The following VPS13B variants were observed in gnomAD, a reference collection of about 807,000 sequenced individuals.
VPS13B encodes intermembrane lipid transfer protein VPS13B.
VPS13B carries 285 observed loss-of-function variants against 426.4 expected under a neutral mutation model. The ratio of observed to expected loss-of-function variants is 0.67; its 90% CI spans 0.61 to 0.74. The LOEUF is 0.74. VPS13B is among the 30% of genes least tolerant of loss of function. The pLI, the probability that VPS13B is intolerant of heterozygous loss-of-function variation, is 0.00. For missense variants in VPS13B, 4,537 were observed against 4,782.6 expected (o/e 0.95, Z 1.51); for synonymous variants, 1,676 against 1,676.4 (o/e 1.00, Z 0.01).
At chr8:99,303,335 G>A (rs917032955) in intron 19 of VPS13B, among the ~76,000 whole-genome samples, 1 of 149,586 alleles carries the variant, frequency 6.7e-6, no homozygotes. Context: ...AAGTGTTGCT[G>A]TGAACAATGG....
At chr8:99,428,223 A>G (rs1166270539) in intron 21 of VPS13B, among the ~76,000 whole-genome samples, 3 of 152,236 alleles carry the variant, frequency 2.0e-5, no homozygotes, top group African/African-American at 7.2e-5. Flanking sequence ...GGACATAGGC[A>G]TGGGCAAGGT....
At chr8:99,110,687 T>TA (rs1201149074) in intron 5 of VPS13B, among the ~76,000 whole-genome samples, 3 of 151,970 alleles carry the variant, frequency 2.0e-5, no homozygotes, top group African/African-American at 7.2e-5. Flanking sequence ...GAGTTTTTTT[T>TA]AATATAAAAT....
intron 19 of VPS13B, among the ~76,000 whole-genome samples, chr8:99,327,146 A>G (rs547844954): frequency 1.3e-5 from 2 of 152,182 alleles, no homozygotes; most frequent in Non-Finnish European, 2.9e-5. Context: ...ATGTACATGT[A>G]AAATAATTGT....
chr8:99,196,587 G>T lies in VPS13B; in HGVS notation c.2515+3530G>T, dbSNP rs148745078. Among the ~76,000 whole-genome samples the T allele has an allele frequency of 2.8e-3, 419 of 150,620 alleles. 3 individuals carry two copies. The highest frequency in any genetic ancestry group is 9.9e-3 in the African/African-American group (408 of 41,018). ...GGTTTGTAACTGAGATTATAGGCAC[G>T]TCACCACACCTGGGTAAGTTTTTTG... On this transcript the variant is annotated intron_variant, in intron 17 of 61. Transcript: ENST00000357162.
intron 30 of VPS13B, among the ~76,000 whole-genome samples, chr8:99,532,940 G>GT (rs1359948269): frequency 0.038 from 4,873 of 128,694 alleles, 255 homozygotes; most frequent in African/African-American, 0.099. Flanking sequence ...ACTGAGGGGT[G>GT]TTTTTTTTTT....
rs576552873 is a variant in VPS13B at position 99,178,014 on chromosome 8, C to G, written c.2333+7851C>G. On this transcript the variant is annotated intron_variant, in intron 16 of 61. Coordinates refer to ENST00000357162, the MANE Select transcript of VPS13B (RefSeq NM_152564.5). The stretch of plus-strand genomic sequence containing the variant: ...AGTATTCTTTGAGTTCAAAAGAACT[C>G]TACGTTGTTAATGTATTTTTTTTTA... Among the ~76,000 whole-genome samples, 21 of 151,674 alleles carry G rather than the reference C, an allele frequency of 1.4e-4. No individual in the cohort carries two copies. In the South Asian group the frequency reaches 4.2e-3, roughly 30 times the overall value.
At chr8:99,238,755 G>C (rs907800727) in intron 17 of VPS13B, among the ~76,000 whole-genome samples, 2 of 152,066 alleles carry the variant, frequency 1.3e-5, no homozygotes, top group African/African-American at 4.8e-5. Flanking sequence ...CATGTAATAT[G>C]CCAACCGGTG....
intron 39 of VPS13B, among the ~76,000 whole-genome samples, chr8:99,745,037 T>C (rs1207145571): frequency 6.6e-6 from 1 of 152,158 alleles, no homozygotes; most frequent in Non-Finnish European, 1.5e-5. Flanking sequence ...TATCATTTGA[T>C]AGCATGTAAT....
intron 30 of VPS13B, among the ~76,000 whole-genome samples, chr8:99,541,996 G>A (rs1370369093): frequency 1.3e-5 from 2 of 152,196 alleles, no homozygotes; most frequent in African/African-American, 4.8e-5. Flanking sequence ...TTCAAAAGAA[G>A]CAAATTCTAA....
chr8:99,700,017 T>C (rs944185399), intron 36 of VPS13B, 85 bp downstream of exon 36: 2 of 1,511,432 alleles, frequency 1.3e-6, no homozygotes, highest in African/African-American at 2.8e-5. Flanking sequence ...TGAAGATTTA[T>C]ATTATGTAGA....
chr8:99,049,640 T>C (rs1843422783), intron 3 of VPS13B, among the ~76,000 whole-genome samples: 2 of 152,092 alleles, frequency 1.3e-5, no homozygotes, highest in Non-Finnish European at 2.9e-5. Context: ...CTGATGACAG[T>C]GTGCCTAGGC....
Position 99,832,387 on chromosome 8 carries a change from A to G in VPS13B, c.9349A>G (p.Ser3117Gly), listed in dbSNP as rs113671330. The change falls in exon 52 of 62, where the codon AGT (serine) becomes GGT (glycine). Residue 3117 changes from serine (S) to glycine (G), a missense_variant. By Grantham distance (56) the Ser-to-Gly change is moderately conservative (BLOSUM62 0). This residue lies in a region of VPS13B where 4,311 missense variants were observed against 4,474.3 expected (regional missense o/e 0.96). Transcript: ENST00000357162. ...TTTTTAGTATTTTCGTGTTCCAGAC[A>G]GTGCTACTTTTAGCATTTGCCCAGG... ...SGKEYFRVPD[S>G]ATFSICPGGE... 7.7e-3 allele frequency: 10,625 copies of G among 1,382,896 alleles called. 104 individuals are homozygous for G. The highest frequency in any genetic ancestry group is 0.032 in the Middle Eastern group (137 of 4,286). The allele number at this position is 1,382,896 out of a possible 1,614,324, so 85.7% of individuals were successfully genotyped here. A position where few individuals can be genotyped will look rare whatever the true frequency, so the allele number is the denominator to read the frequency against.
intron 33 of VPS13B, among the ~76,000 whole-genome samples, chr8:99,638,408 T>G (rs1203063524): frequency 6.6e-6 from 1 of 152,112 alleles, no homozygotes; most frequent in Non-Finnish European, 1.5e-5. Context: ...ATAAACATAC[T>G]CAGTGGTATT....
At chr8:99,321,413 G>A (rs1239665790) in intron 19 of VPS13B, among the ~76,000 whole-genome samples, 2 of 151,834 alleles carry the variant, frequency 1.3e-5, no homozygotes, top group African/African-American at 4.8e-5. Flanking sequence ...TCACTGTGTT[G>A]GCCAGGCTGG....
chr8:99,552,971 A>G (rs1270188743), intron 30 of VPS13B, among the ~76,000 whole-genome samples: 1 of 152,154 alleles, frequency 6.6e-6, no homozygotes, highest in Non-Finnish European at 1.5e-5. Context: ...ATCACCACAG[A>G]GGTCCGTAGA....
chr8:99,778,171 G>A (rs1195185132), intron 41 of VPS13B, among the ~76,000 whole-genome samples: 1 of 150,708 alleles, frequency 6.6e-6, no homozygotes, highest in East Asian at 1.9e-4. Context: ...GGCAGAGGTT[G>A]CAGTGAGCCA....
At chr8:99,842,452 T>TA (rs569624612) in intron 54 of VPS13B, among the ~76,000 whole-genome samples, 7,136 of 143,148 alleles carry the variant, frequency 0.05, 520 homozygotes, top group African/African-American at 0.16. Flanking sequence ...CTACAGAAAT[T>TA]AAAAAAAAAA....
chr8:99,608,503 T>C (rs1827699750), intron 33 of VPS13B, among the ~76,000 whole-genome samples: 1 of 152,180 alleles, frequency 6.6e-6, no homozygotes, highest in South Asian at 2.1e-4. Flanking sequence ...TCACACATCA[T>C]ACAATGTGCA....
chr8:99,741,738 G>A (rs1189809301), intron 39 of VPS13B, among the ~76,000 whole-genome samples: 10 of 152,264 alleles, frequency 6.6e-5, no homozygotes, highest in South Asian at 2.1e-4. Flanking sequence ...GGTACATAAC[G>A]AAATGAAGGC....
Sources: allele counts gnomAD v4.1 joint callset (sites outside exome capture counted in the v4.1 genomes callset), GRCh38; gene constraint gnomAD v4.1.1; regional missense constraint gnomAD v4.1.1; transcripts MANE v1.5; gene names NCBI Gene and HGNC (gene_info 2026-07-23, HGNC 2026-07-21).